ITPR1: variants seen among roughly 807,000 people sequenced by gnomAD.
The protein encoded by ITPR1 is inositol 1,4,5-trisphosphate receptor type 1.
Under a neutral mutation model 318.4 loss-of-function variants are expected in ITPR1, and 96 were observed. The ratio of observed to expected loss-of-function variants is 0.30; its 90% CI spans 0.26 to 0.36. ITPR1 has a LOEUF of 0.36. ITPR1 is among the 10% of genes least tolerant of loss of function. The pLI is 1.00. For missense variants in ITPR1, 2,440 were observed against 3,460.2 expected, an observed-to-expected ratio of 0.71 and a Z score of 7.40; for synonymous variants, 1,312 against 1,289.9, an observed-to-expected ratio of 1.02 and a Z score of -0.37.
At chr3:4,672,559 T>G in intron 20 of ITPR1, among the ~76,000 whole-genome samples, 1 of 152,212 alleles carries the variant, frequency 6.6e-6, no homozygotes, top group East Asian at 1.9e-4. Context: ...AGTGCCTTAA[T>G]TGGTCAGGTT....
chr3:4,763,862 G>A (rs1422133962), intron 44 of ITPR1, among the ~76,000 whole-genome samples: 2 of 152,238 alleles, frequency 1.3e-5, no homozygotes, highest in African/African-American at 2.4e-5. Flanking sequence ...ATCTGTGTGT[G>A]TCGCGTGGCG....
chr3:4,582,649 T>C (rs2089475563), intron 4 of ITPR1, among the ~76,000 whole-genome samples: 1 of 152,216 alleles, frequency 6.6e-6, no homozygotes, highest in African/African-American at 2.4e-5. Flanking sequence ...AGACTAGCAA[T>C]TGACTGGACA....
At chr3:4,762,235 C>T (rs1397603294) in intron 44 of ITPR1, among the ~76,000 whole-genome samples, 1 of 152,158 alleles carries the variant, frequency 6.6e-6, no homozygotes, top group Admixed American at 6.5e-5. Flanking sequence ...TAACTAGCTC[C>T]ATGGGTTTTT....
intron 16 of ITPR1, among the ~76,000 whole-genome samples, chr3:4,664,217 G>A (rs972029775): frequency 1.1e-4 from 16 of 152,168 alleles, no homozygotes; most frequent in African/African-American, 2.2e-4. Context: ...GAATCTTTCC[G>A]TAAAGAATGA....
At chr3:4,499,921 T>C (rs1304497920) in intron 2 of ITPR1, among the ~76,000 whole-genome samples, 2 of 152,174 alleles carry the variant, frequency 1.3e-5, no homozygotes, top group Non-Finnish European at 2.9e-5. Flanking sequence ...CCAGTAAGTC[T>C]GCTCTGTAAA....
chr3:4,577,504 T>C (rs922552638), intron 4 of ITPR1, among the ~76,000 whole-genome samples: 5 of 152,176 alleles, frequency 3.3e-5, no homozygotes, highest in Admixed American at 6.5e-5. Flanking sequence ...GTCTTTTGGG[T>C]CACTGAAGAT....
intron 2 of ITPR1, among the ~76,000 whole-genome samples, chr3:4,508,536 C>T (rs1575349378): frequency 7.3e-6 from 1 of 137,660 alleles, no homozygotes; most frequent in African/African-American, 2.7e-5. Flanking sequence ...GGAAAAATTT[C>T]AATAAGTGAG....
At chr3:4,618,528 C>T (rs572049031) in intron 4 of ITPR1, among the ~76,000 whole-genome samples, 2 of 152,234 alleles carry the variant, frequency 1.3e-5, no homozygotes, top group African/African-American at 4.8e-5. Flanking sequence ...AAATATTGTT[C>T]GCTAATGAGC....
chr3:4,565,645 G>C (rs2087155943), intron 4 of ITPR1, among the ~76,000 whole-genome samples: 1 of 152,160 alleles, frequency 6.6e-6, no homozygotes, highest in South Asian at 2.1e-4. Context: ...AGGCTGTATT[G>C]ATTGTCTCCC....
intron 4 of ITPR1, among the ~76,000 whole-genome samples, chr3:4,536,844 A>G (rs2083915360): frequency 6.6e-6 from 1 of 152,244 alleles, no homozygotes. Context: ...GTTGATATTT[A>G]GCAAATACCA....
intron 44 of ITPR1, among the ~76,000 whole-genome samples, chr3:4,746,258 C>G (rs570921347): frequency 2.6e-5 from 4 of 152,332 alleles, no homozygotes; most frequent in African/African-American, 9.6e-5. Flanking sequence ...GGAACCCTCA[C>G]TACCTGCTTC....
At chr3:4,500,956 C>T (rs1263058149) in intron 2 of ITPR1, among the ~76,000 whole-genome samples, 2 of 152,086 alleles carry the variant, frequency 1.3e-5, no homozygotes, top group African/African-American at 4.8e-5. Context: ...CAGGCACAAG[C>T]GATCCTCTCA....
At chr3:4,753,373 A>G (rs1372130404) in intron 44 of ITPR1, among the ~76,000 whole-genome samples, 3 of 152,036 alleles carry the variant, frequency 2.0e-5, no homozygotes, top group Non-Finnish European at 2.9e-5. Context: ...AAGCCCTAAT[A>G]TACAAAGCAG....
chr3:4,705,069 C>G (rs1025483216), intron 36 of ITPR1, among the ~76,000 whole-genome samples: 7 of 152,062 alleles, frequency 4.6e-5, no homozygotes, highest in African/African-American at 1.7e-4. Flanking sequence ...ATAATTGCTT[C>G]TCAGATTCCT....
In ITPR1 at chr3:4,806,762, G is replaced by A. The variant is rs374233205; in HGVS notation, c.7272+495G>A. Among the ~76,000 whole-genome samples the A allele has an allele frequency of 2.0e-5, 3 of 152,066 alleles. No individual in the cohort carries two copies. In the East Asian group the frequency reaches 5.8e-4, roughly 29 times the overall value. On this transcript the variant is annotated intron_variant, in intron 55 of 61. Transcript: ENST00000649015. ...TTTATTGGTCTAGGAGACCCTTTCA[G>A]TAGCTCATTTTCCTCCGATATGAGC...
chr3:4,721,284 T>C (rs1039663315), intron 40 of ITPR1, among the ~76,000 whole-genome samples: 3 of 151,484 alleles, frequency 2.0e-5, no homozygotes, highest in Non-Finnish European at 4.4e-5. Flanking sequence ...AAATGAACTT[T>C]GCTATTGGGT....
At chr3:4,595,654 A>G (rs2090751451) in intron 4 of ITPR1, among the ~76,000 whole-genome samples, 1 of 152,092 alleles carries the variant, frequency 6.6e-6, no homozygotes, top group Non-Finnish European at 1.5e-5. Context: ...TTAAGAGCAG[A>G]GAGTGAACAG....
chr3:4,590,672 A>G (rs1284110870), intron 4 of ITPR1, among the ~76,000 whole-genome samples: 1 of 152,016 alleles, frequency 6.6e-6, no homozygotes, highest in East Asian at 1.9e-4. Context: ...AATAGCTGGG[A>G]CTACAGGCAT....
intron 4 of ITPR1, among the ~76,000 whole-genome samples, chr3:4,589,019 C>A (rs1040123085): frequency 2.0e-5 from 3 of 152,128 alleles, no homozygotes; most frequent in African/African-American, 7.2e-5. Context: ...TTTGACTGCA[C>A]TTCATAGCAA....
Sources: gnomAD v4.1 joint callset for allele counts (sites outside exome capture counted in the v4.1 genomes callset) on GRCh38, gnomAD v4.1.1 for gene constraint, MANE v1.5 for transcripts, NCBI Gene and HGNC (gene_info 2026-07-23, HGNC 2026-07-21) for gene names.